IL16: variants seen among roughly 807,000 people sequenced by gnomAD.
IL16 encodes the protein pro-interleukin-16.
In IL16, 67 loss-of-function variants were observed where a neutral mutation model predicts 110.1. The observed-to-expected ratio is 0.61, with a 90% confidence interval of 0.50 to 0.75. IL16 has a LOEUF of 0.75. Ranked by LOEUF, IL16 falls within the 30% of genes least tolerant of loss-of-function variation. The probability of loss-of-function intolerance (pLI) is 0.00; values close to 1 mark genes in which losing one functional copy is unlikely to be tolerated. For missense variants in IL16, 1,545 were observed against 1,655.0 expected (o/e 0.93, Z 1.15); for synonymous variants, 689 against 662.9 (o/e 1.04, Z -0.61).
At chr15:81,219,409 C>T (rs929262568) in intron 1 of IL16, among the ~76,000 whole-genome samples, 2 of 151,880 alleles carry the variant, frequency 1.3e-5, no homozygotes, top group African/African-American at 4.8e-5. Flanking sequence ...CTCCTTCTTG[C>T]GATTGACTAT....
intron 2 of IL16, among the ~76,000 whole-genome samples, chr15:81,228,380 G>T (rs1444568253): frequency 1.3e-5 from 2 of 151,710 alleles, no homozygotes; most frequent in African/African-American, 4.9e-5. Context: ...GAGTACAGGG[G>T]TGCGATCTCA....
At chr15:81,234,014 T>A (rs1897101795) in intron 2 of IL16, among the ~76,000 whole-genome samples, 1 of 152,146 alleles carries the variant, frequency 6.6e-6, no homozygotes, top group South Asian at 2.1e-4. Context: ...ATAAATGCTC[T>A]TACAATTTCG....
At chr15:81,219,622 C>T (rs1269841813) in intron 1 of IL16, among the ~76,000 whole-genome samples, 2 of 152,134 alleles carry the variant, frequency 1.3e-5, no homozygotes, top group Non-Finnish European at 2.9e-5. Context: ...TGAGGGGCTT[C>T]TCCAGGATCT....
intron 6 of IL16, among the ~76,000 whole-genome samples, chr15:81,276,822 C>A (rs1223206344): frequency 6.6e-6 from 1 of 152,092 alleles, no homozygotes; most frequent in Non-Finnish European, 1.5e-5. Context: ...AACAGAATAT[C>A]CTGAAAATGA....
chr15:81,270,632 C>T (rs553764099), intron 5 of IL16, among the ~76,000 whole-genome samples: 1 of 152,302 alleles, frequency 6.6e-6, no homozygotes. Context: ...TAGTAAATCA[C>T]GATGCTTTTT....
intron 10 of IL16, among the ~76,000 whole-genome samples, chr15:81,288,403 G>A (rs1029193658): frequency 6.6e-6 from 1 of 152,202 alleles, no homozygotes; most frequent in African/African-American, 2.4e-5. Flanking sequence ...CCATCTGCCA[G>A]GCATTGTGCC....
At chr15:81,258,984 C>A (rs886606081) in intron 2 of IL16, among the ~76,000 whole-genome samples, 3 of 152,064 alleles carry the variant, frequency 2.0e-5, no homozygotes, top group East Asian at 3.9e-4. Context: ...TATCCCTACA[C>A]CCATCCCTAA....
Position 81,191,498 on chromosome 15 carries a change from ATGCT to A in IL16, c.40+8603_40+8606del, listed in dbSNP as rs1298166135. ...TTTATCAACCCTTTATGGGCCAGGC[ATGCT>A]CTAGTGCTGGGGACCCCACAGTGAA... is the stretch of plus-strand genomic sequence containing the variant. On this transcript the variant is annotated intron_variant, in intron 1 of 18. Coordinates refer to the IL16 transcript ENST00000302987. 3.3e-5 allele frequency among the ~76,000 whole-genome samples: 5 copies of A among 152,318 alleles called. No homozygotes were observed. The East Asian group carries it at 9.6e-4, about 29-fold the overall frequency.
Position 81,299,689 on chromosome 15 carries a change from A to C in IL16, c.2363A>C (p.Lys788Thr). ...TVKKGPPVAPKPAWFRQSLKG... is the reference protein window; with the variant it reads ...TVKKGPPVAPTPAWFRQSLKG... ...AAGAAAGGTCCTCCTGTGGCTCCCAAGCCAGCCTGGTTTCGCCAAAGCTTG... is the reference window on the plus strand; with the variant it reads ...AAGAAAGGTCCTCCTGTGGCTCCCACGCCAGCCTGGTTTCGCCAAAGCTTG... The change falls in exon 14 of 19, where the codon AAG becomes ACG. Residue 788 changes from lysine to threonine, a missense_variant. This residue lies in a region of IL16 where 1,185 missense variants were observed against 1,238.8 expected (regional missense o/e 0.96). Coordinates refer to ENST00000683961, the MANE Select transcript of IL16 (RefSeq NM_172217.5). The C allele has an allele frequency of 2.5e-6, 4 of 1,614,224 alleles. No individual in the cohort carries two copies. The highest frequency in any genetic ancestry group is 3.4e-6 in the Non-Finnish European group (4 of 1,180,044).
In IL16 at chr15:81,303,182, GTTGT is replaced by G. The variant is rs1200581674; in HGVS notation, c.3319-364_3319-361del. On this transcript the variant is annotated intron_variant, in intron 15 of 18. Transcript: ENST00000683961. This position sits in a 1 kb window ranked among gnomAD's most constrained non-coding sequence, Gnocchi z 4.1. ...AGCACTGACCCCTGTTTTGTTTTTT[GTTGT>G]TTTTTTTTTTTGTTTTGTTTTACCT... 1.4e-5 allele frequency: 2 copies of G among 147,206 alleles called. No individual in the cohort carries two copies. Among genetic ancestry groups the G allele is most frequent in the Non-Finnish European group, 2.6e-5 (2 of 76,478 alleles). The allele number at this position is 147,206 out of a possible 1,614,324, so 9.1% of individuals were successfully genotyped here.
intron 10 of IL16, chr15:81,289,792 T>C (rs1438688278): frequency 3.1e-6 from 1 of 327,060 alleles, no homozygotes; most frequent in Non-Finnish European, 6.1e-6. Flanking sequence ...GATTTTCACA[T>C]AGTCCAATTT....
intron 5 of IL16, among the ~76,000 whole-genome samples, chr15:81,271,879 C>T (rs186469832): frequency 2.7e-4 from 41 of 152,350 alleles, no homozygotes; most frequent in Admixed American, 2.4e-3. Context: ...AGATGGAGGA[C>T]AGCGTGTTGT....
Position 81,290,437 on chromosome 15 carries a change from G to A in IL16, c.1333-16G>A. The A allele has an allele frequency of 6.3e-7, 1 of 1,596,822 alleles. No homozygotes were observed. The highest frequency in any genetic ancestry group is 8.6e-7 in the Non-Finnish European group (1 of 1,167,976). On this transcript the variant is annotated splice_polypyrimidine_tract_variant and intron_variant, in intron 10 of 18. Transcript: ENST00000683961. ...GCTTCTACTGTTTGTTTGAGGAGAT[G>A]ACTGATATTTTCTAGGTCTCTGAAC...
At chr15:81,211,174 C>T (rs1179960901) in intron 1 of IL16, among the ~76,000 whole-genome samples, 1 of 152,098 alleles carries the variant, frequency 6.6e-6, no homozygotes, top group Non-Finnish European at 1.5e-5. Flanking sequence ...ATCTTCCCAC[C>T]TCAACCTCCT....
At chr15:81,308,505 C>T (rs1327085395) in intron 18 of IL16, 100 bp from the exon 19 acceptor site, 2 of 862,002 alleles carry the variant, frequency 2.3e-6, no homozygotes, top group African/African-American at 3.4e-5. Flanking sequence ...GTGCCCTGTT[C>T]TCTACCAAGC....
At chr15:81,297,197 C>A in intron 13 of IL16, 119 bp downstream of exon 13, 2 of 958,282 alleles carry the variant, frequency 2.1e-6, no homozygotes, top group Non-Finnish European at 3.0e-6. Context: ...CACCACTGGA[C>A]CTGGCTGATC....
chr15:81,254,671 G>A (rs543265102), intron 2 of IL16, among the ~76,000 whole-genome samples: 29 of 152,292 alleles, frequency 1.9e-4, no homozygotes, highest in Admixed American at 1.6e-3. Flanking sequence ...CCCTGACCTC[G>A]ATGACAAATC....
At chr15:81,266,250 C>T (rs1898377736) in intron 4 of IL16, among the ~76,000 whole-genome samples, 1 of 152,202 alleles carries the variant, frequency 6.6e-6, no homozygotes, top group Admixed American at 6.5e-5. Flanking sequence ...GACTCTGAAG[C>T]CTGTGCGAAA....
In IL16 at chr15:81,290,463, A is replaced by C; in HGVS notation, c.1343A>C (p.Gln448Pro). The C allele has an allele frequency of 1.2e-6, 2 of 1,612,826 alleles. No individual in the cohort carries two copies. Among genetic ancestry groups the C allele is most frequent in the Non-Finnish European group, 1.7e-6 (2 of 1,179,370 alleles). The change falls in exon 11 of 19, where the codon CAG (glutamine) becomes CCG (proline). Residue 448 changes from glutamine (Q) to proline (P), a missense_variant. Coordinates refer to ENST00000683961, the MANE Select transcript of IL16 (RefSeq NM_172217.5). ...SRHPDPQVSEQQLKEAVAQAV... is the reference protein window; with the variant it reads ...SRHPDPQVSEPQLKEAVAQAV... ...ACTGATATTTTCTAGGTCTCTGAACAGCAACTCAAAGAAGCTGTGGCCCAG... is the reference window on the plus strand; with the variant it reads ...ACTGATATTTTCTAGGTCTCTGAACCGCAACTCAAAGAAGCTGTGGCCCAG...
Sources: gnomAD v4.1 joint callset for allele counts (sites outside exome capture counted in the v4.1 genomes callset) on GRCh38, gnomAD v4.1.1 for gene constraint, gnomAD v4.1.1 regional missense constraint, Gnocchi (gnomAD v3.1) non-coding constraint, MANE v1.5 for transcripts, NCBI Gene and HGNC (gene_info 2026-07-23, HGNC 2026-07-21) for gene names.